Variants in GPR143 observed in about 807,000 individuals in gnomAD.
GPR143 encodes G-protein coupled receptor 143.
Under a neutral mutation model 27.6 loss-of-function variants are expected in GPR143, and 8 were observed. That is an observed-to-expected ratio of 0.29 (90% CI 0.17 to 0.52). The LOEUF is 0.52. Among genes scored for constraint, GPR143 ranks in the 20% least tolerant of loss-of-function variants. The pLI is 0.96. For missense variants in GPR143, 303 were observed against 343.1 expected (o/e 0.88, Z 0.92); for synonymous variants, 156 against 153.2 (o/e 1.02, Z -0.13).
chrX:9,737,202 T>C (rs73484558), intron 8 of GPR143, among the ~76,000 whole-genome samples: 6,039 of 111,628 alleles, frequency 0.054, 391 homozygotes, highest in African/African-American at 0.18. Flanking sequence ...ACCTGCTTGT[T>C]GTCCTAGCTA....
At chrX:9,747,576 T>A (rs1423450267) in intron 4 of GPR143, among the ~76,000 whole-genome samples, 1 of 111,926 alleles carries the variant, frequency 8.9e-6, no homozygotes, top group Non-Finnish European at 1.9e-5. Flanking sequence ...TATACAGAGC[T>A]CCCTGCTTGT....
chrX:9,746,580 C>A (rs1031666100), intron 4 of GPR143, among the ~76,000 whole-genome samples: 1 of 111,352 alleles, frequency 9.0e-6, no homozygotes, highest in African/African-American at 3.3e-5. Flanking sequence ...TGAATAAAAT[C>A]TTGTCCCTGG....
At chrX:9,770,559 C>T (rs1329523963), upstream of GPR143, among the ~76,000 whole-genome samples, 1 of 109,806 alleles carries the variant, frequency 9.1e-6, no homozygotes, top group Admixed American at 9.8e-5. Flanking sequence ...CAAACTTATT[C>T]CAATGAGAGA....
At chrX:9,746,997 T>G (rs1341377471) in intron 4 of GPR143, among the ~76,000 whole-genome samples, 1 of 61,237 alleles carries the variant, frequency 1.6e-5, no homozygotes, top group African/African-American at 6.9e-5. Context: ...GAGGGGAAAG[T>G]GGCAGAAAAT....
Position 9,742,446 on chromosome X carries a change from T to G in GPR143, c.768-991A>C, listed in dbSNP as rs959211399. Among the ~76,000 whole-genome samples the G allele has an allele frequency of 4.5e-5, 5 of 111,008 alleles. No individual in the cohort carries two copies. In the Admixed American group the frequency reaches 4.8e-4, roughly 11 times the overall value. ...ACCATTCCTGGCTAATTGTTGTTGTTGTATCGCCCAGGATGGTTTTGAACT... is the reference window on the plus strand; with the variant it reads ...ACCATTCCTGGCTAATTGTTGTTGTGGTATCGCCCAGGATGGTTTTGAACT... On this transcript the variant is annotated intron_variant, in intron 6 of 8. Coordinates refer to ENST00000467482, the MANE Select transcript of GPR143 (RefSeq NM_000273.3).
At chrX:9,763,945 C>T (rs1420753247) in intron 1 of GPR143, among the ~76,000 whole-genome samples, 6 of 112,628 alleles carry the variant, frequency 5.3e-5, no homozygotes, top group African/African-American at 1.9e-4. Flanking sequence ...TATTTGTAGA[C>T]ATTAACATTT....
rs761641505 is a variant in GPR143, at chrX:9,773,643, C to T, written c.-3+12599G>A. On this transcript the variant is annotated intron_variant, in intron 1 of 7. Transcript: ENST00000447366. The stretch of plus-strand genomic sequence containing the variant: ...ATCTCAGCACTTTGGGAGGCCGAGG[C>T]GGGTGGGTCACTTGAGCTCCGGAGT... 4.5e-5 allele frequency among the ~76,000 whole-genome samples: 5 copies of T among 111,084 alleles called. No individual in the cohort carries two copies. In the South Asian group the frequency reaches 1.1e-3, roughly 25 times the overall value.
At chrX:9,763,545 G>C (rs1343346091) in intron 1 of GPR143, among the ~76,000 whole-genome samples, 3 of 111,557 alleles carry the variant, frequency 2.7e-5, no homozygotes, top group East Asian at 2.8e-4. Context: ...GGCTCTCTCT[G>C]AGATCTGAAT....
intron 8 of GPR143, among the ~76,000 whole-genome samples, chrX:9,734,936 C>A (rs2083372406): frequency 8.9e-6 from 1 of 111,955 alleles, no homozygotes; most frequent in Non-Finnish European, 1.9e-5. Context: ...GCCTGCACAT[C>A]TAGGGAGTCA....
intron 1 of GPR143, among the ~76,000 whole-genome samples, chrX:9,777,005 T>A (rs1327704421): frequency 8.9e-6 from 1 of 111,972 alleles, no homozygotes; most frequent in African/African-American, 3.2e-5. Flanking sequence ...CCACCTGGTC[T>A]TTGTTGCAAT....
chrX:9,767,990 C>T (rs746960238), upstream of GPR143, among the ~76,000 whole-genome samples: 13 of 111,711 alleles, frequency 1.2e-4, no homozygotes, highest in African/African-American at 4.2e-4. Context: ...AAAACACACT[C>T]CGCCTCTCTG....
At chrX:9,743,751 G>A (rs370566507) in intron 5 of GPR143, 78 bp from the exon 6 acceptor site, 2 of 642,170 alleles carry the variant, frequency 3.1e-6, no homozygotes, top group East Asian at 3.2e-5. Flanking sequence ...ATGGAAGCAG[G>A]TGTGAGCCCA....
chrX:9,760,916 G>T, intron 1 of GPR143, 90 bp from the exon 2 acceptor site: 1 of 476,251 alleles, frequency 2.1e-6, no homozygotes, highest in Non-Finnish European at 3.8e-6. Flanking sequence ...ATACATAATA[G>T]ATAGAGATAG....
chrX:9,741,193 G>A (rs1408870280), intron 7 of GPR143, 145 bp downstream of exon 7: 5 of 410,640 alleles, frequency 1.2e-5, no homozygotes, highest in East Asian at 8.3e-5. Context: ...CCAAGACAGA[G>A]GATTGCTTGA....
chrX:9,746,040 T>A lies in GPR143; in HGVS notation c.658+4A>T. ...TGTACCCAGAGAGCTTCCCTAGTAT[T>A]TACCTGCAGTCACTGTCTTTTGGAA... On this transcript the variant is annotated splice_donor_region_variant and intron_variant, in intron 5 of 8. Transcript: ENST00000467482. 8.9e-7 allele frequency: 1 copy of A among 1,126,993 alleles called. No homozygotes were observed. The highest frequency in any genetic ancestry group is 1.2e-6 in the Non-Finnish European group (1 of 818,394). 92.9% of individuals were successfully genotyped at this position (1,126,993 alleles called of 1,213,427 possible).
chrX:9,771,709 C>CTTTTTTTTTTTTTTTTTTTTTTT lies in GPR143; in HGVS notation c.-2-10884_-2-10883insAAAAAAAAAAAAAAAAAAAAAAA, dbSNP rs752477509. Among the ~76,000 whole-genome samples the CTTTTTTTTTTTTTTTTTTTTTTT allele has an allele frequency of 9.7e-5, 9 of 92,818 alleles. 4 individuals are homozygous for CTTTTTTTTTTTTTTTTTTTTTTT. Among genetic ancestry groups the CTTTTTTTTTTTTTTTTTTTTTTT allele is most frequent in the Non-Finnish European group, 1.2e-4 (6 of 48,104 alleles). 80.6% of individuals were successfully genotyped at this position (92,818 alleles called of 115,157 possible). A position where few individuals can be genotyped will look rare whatever the true frequency, so the allele number is the denominator to read the frequency against. On this transcript the variant is annotated intron_variant, in intron 1 of 7. Transcript: ENST00000447366. ...CCAACTAAGCCATGGAGCATTCTCT[C>CTTTTTTTTTTTTTTTTTTTTTTT]TCTTTTTTTTTTTTTTTTGGATGGA... is the stretch of plus-strand genomic sequence containing the variant.
At chrX:9,741,825 C>T (rs996433812) in intron 6 of GPR143, among the ~76,000 whole-genome samples, 7 of 111,618 alleles carry the variant, frequency 6.3e-5, no homozygotes, top group East Asian at 2.8e-4. Context: ...CCCAGGAAAT[C>T]GAGCCTGCAG....
chrX:9,748,049 A>G (rs1259787560), intron 4 of GPR143: 12 of 121,218 alleles, frequency 9.9e-5, no homozygotes, highest in Non-Finnish European at 2.1e-4. Context: ...AATGCTTGAG[A>G]CAGTTCCAGC....
At chrX:9,731,029 C>T (rs954575336) in intron 8 of GPR143, among the ~76,000 whole-genome samples, 1 of 111,707 alleles carries the variant, frequency 9.0e-6, no homozygotes, top group Non-Finnish European at 1.9e-5. Context: ...GTAACAGGCA[C>T]GGGAAGGGGA....
Sources: gnomAD v4.1 joint callset for allele counts (sites outside exome capture counted in the v4.1 genomes callset) on GRCh38, gnomAD v4.1.1 for gene constraint, MANE v1.5 for transcripts, NCBI Gene and HGNC (gene_info 2026-07-23, HGNC 2026-07-21) for gene names.